ITPR2: variants seen among roughly 807,000 people sequenced by gnomAD.
ITPR2 encodes inositol 1,4,5-trisphosphate-gated calcium channel ITPR2.
In ITPR2, 207 loss-of-function variants were observed where a neutral mutation model predicts 317.1. The ratio of observed to expected loss-of-function variants is 0.65; its 90% CI spans 0.58 to 0.73. The LOEUF is 0.73. ITPR2 is among the 30% of genes least tolerant of loss of function. The pLI, the probability that ITPR2 is intolerant of heterozygous loss-of-function variation, is 0.00. For missense variants in ITPR2, 2,613 were observed against 3,284.0 expected, an observed-to-expected ratio of 0.80 and a Z score of 4.99; for synonymous variants, 1,156 against 1,149.1, an observed-to-expected ratio of 1.01 and a Z score of -0.12.
rs1006490078 is a variant in ITPR2 at position 26,690,345 on chromosome 12, GA to G, written c.997-3714del. On this transcript the variant is annotated intron_variant, in intron 10 of 56. Coordinates refer to ENST00000381340, the MANE Select transcript of ITPR2 (RefSeq NM_002223.4). The stretch of plus-strand genomic sequence containing the variant: ...GTTTCTCTCACCATTGCCTAGTGTA[GA>G]AGCAATAAATGGCAAGCGCCAGTCT... Among the ~76,000 whole-genome samples the G allele has an allele frequency of 5.9e-4, 69 of 117,266 alleles. No homozygotes were observed. In the Admixed American group the frequency reaches 6.5e-3, roughly 11 times the overall value. The allele number at this position is 117,266 out of a possible 152,430, so 76.9% of individuals were successfully genotyped here.
chr12:26,784,648 A>G (rs1369216900), intron 2 of ITPR2, among the ~76,000 whole-genome samples: 2 of 150,846 alleles, frequency 1.3e-5, no homozygotes, highest in Admixed American at 6.6e-5. Flanking sequence ...TCGGTGCTCA[A>G]TGGTGCCCAG....
At chr12:26,809,314 T>C (rs901617584) in intron 1 of ITPR2, among the ~76,000 whole-genome samples, 7 of 152,228 alleles carry the variant, frequency 4.6e-5, no homozygotes, top group Non-Finnish European at 8.8e-5. Context: ...TTCCTACTTA[T>C]AGACTCCCAA....
intron 32 of ITPR2, among the ~76,000 whole-genome samples, chr12:26,581,088 T>C (rs549087906): frequency 4.2e-4 from 64 of 152,300 alleles, no homozygotes; most frequent in African/African-American, 1.5e-3. Flanking sequence ...GGCCAGATGT[T>C]CCAGATGTTC....
At position 26,631,974 on chromosome 12, in the gene ITPR2, G is replaced by T. The variant is rs547097786; in HGVS notation, c.2826C>A (p.Ser942Arg). 2 of 1,613,536 alleles carry T rather than the reference G, an allele frequency of 1.2e-6. No homozygotes were observed. The highest frequency in any genetic ancestry group is 1.7e-6 in the Non-Finnish European group (2 of 1,179,774). ...GGATGCTGGGTGGCACATCCGGCAC[G>T]CTCATGGGGAAGATGGAGCCTCTAC... is the stretch of plus-strand genomic sequence containing the variant. Reference protein sequence around the residue: ...VLSRGSIFPMSVPDVPPSIHP... With the variant: ...VLSRGSIFPMRVPDVPPSIHP... The change falls in exon 22 of 57, where the codon AGC (serine) becomes AGA (arginine). Residue 942 changes from serine (S) to arginine (R), a missense_variant. By Grantham distance (110) the Ser-to-Arg change is moderately radical (BLOSUM62 -1). Transcript: ENST00000381340.
intron 9 of ITPR2, among the ~76,000 whole-genome samples, chr12:26,706,150 G>C (rs1031607753): frequency 6.6e-6 from 1 of 152,162 alleles, no homozygotes; most frequent in African/African-American, 2.4e-5. Context: ...ATTTCGTGTG[G>C]CGTGGCTGTT....
intron 39 of ITPR2, among the ~76,000 whole-genome samples, chr12:26,489,702 C>T (rs971155981): frequency 6.6e-6 from 1 of 152,230 alleles, no homozygotes; most frequent in Admixed American, 6.5e-5. Context: ...CCTATACCTT[C>T]TCCTTCAGTT....
At chr12:26,822,799 C>T (rs1651410374) in intron 1 of ITPR2, among the ~76,000 whole-genome samples, 1 of 152,154 alleles carries the variant, frequency 6.6e-6, no homozygotes, top group Non-Finnish European at 1.5e-5. Context: ...GATGGAATGC[C>T]ATCTTATTCT....
intron 48 of ITPR2, among the ~76,000 whole-genome samples, chr12:26,435,962 T>C (rs1443679752): frequency 6.6e-6 from 1 of 152,184 alleles, no homozygotes; most frequent in African/African-American, 2.4e-5. Context: ...AATAATTAGG[T>C]AGAAATGACA....
chr12:26,706,773 C>T (rs1478060147), intron 9 of ITPR2, among the ~76,000 whole-genome samples: 2 of 152,174 alleles, frequency 1.3e-5, no homozygotes, highest in Non-Finnish European at 2.9e-5. Context: ...CCTCAAACTT[C>T]ATTCCTATTA....
rs78768884 is a variant in ITPR2, at chr12:26,555,276, T to C, written c.4964+957A>G. 9.2e-3 allele frequency among the ~76,000 whole-genome samples: 1,397 copies of C among 152,306 alleles called. 21 individuals carry two copies. Among genetic ancestry groups the C allele is most frequent in the African/African-American group, 0.032 (1,340 of 41,568 alleles). ...TAATCTCTGCCTCGATATATCACAG[T>C]TGATAGAAGAGGTTTCCAGATCTAT... On this transcript the variant is annotated intron_variant, in intron 36 of 56. Coordinates refer to ENST00000381340, the MANE Select transcript of ITPR2 (RefSeq NM_002223.4).
At chr12:26,524,917 T>A (rs966032367) in intron 37 of ITPR2, among the ~76,000 whole-genome samples, 4 of 152,214 alleles carry the variant, frequency 2.6e-5, no homozygotes, top group Non-Finnish European at 5.9e-5. Context: ...TTTGATTTCA[T>A]GTGACTCAAA....
intron 3 of ITPR2, among the ~76,000 whole-genome samples, 193 bp downstream of exon 3, chr12:26,725,457 G>A (rs1948903748): frequency 2.0e-5 from 3 of 152,158 alleles, no homozygotes; most frequent in African/African-American, 7.2e-5. Flanking sequence ...GCAGTAATGT[G>A]CTACCTACAT....
At chr12:26,454,485 C>T (rs569099458) in intron 45 of ITPR2, among the ~76,000 whole-genome samples, 2 of 152,250 alleles carry the variant, frequency 1.3e-5, no homozygotes, top group East Asian at 3.9e-4. Flanking sequence ...GGATTACAGG[C>T]GTAAGCCACC....
At chr12:26,826,375 C>G (rs972307574) in intron 1 of ITPR2, among the ~76,000 whole-genome samples, 3 of 152,072 alleles carry the variant, frequency 2.0e-5, no homozygotes, top group Non-Finnish European at 2.9e-5. Context: ...ATTTGAGGGA[C>G]TATAATTGGG....
chr12:26,609,629 T>TAA (rs11375315), intron 26 of ITPR2, among the ~76,000 whole-genome samples: 59 of 148,744 alleles, frequency 4.0e-4, no homozygotes, highest in Admixed American at 2.1e-3. Context: ...ATGGAAAAGT[T>TAA]AAAAAAAAAA....
At chr12:26,437,926 C>T (rs930895946) in intron 47 of ITPR2, among the ~76,000 whole-genome samples, 4 of 151,996 alleles carry the variant, frequency 2.6e-5, no homozygotes, top group Non-Finnish European at 4.4e-5. Flanking sequence ...CTCAGCCTCC[C>T]GAGTAGCTGG....
intron 15 of ITPR2, among the ~76,000 whole-genome samples, chr12:26,660,265 T>C (rs947837807): frequency 6.6e-6 from 1 of 152,200 alleles, no homozygotes; most frequent in Non-Finnish European, 1.5e-5. Flanking sequence ...AAAGAGATTG[T>C]GCTAAAAGTA....
At chr12:26,551,777 G>T (rs1354339544) in intron 36 of ITPR2, among the ~76,000 whole-genome samples, 1 of 152,226 alleles carries the variant, frequency 6.6e-6, no homozygotes, top group African/African-American at 2.4e-5. Flanking sequence ...GACAGAGGCA[G>T]AAACCTGGCC....
At chr12:26,674,822 T>G (rs935052559) in intron 13 of ITPR2, among the ~76,000 whole-genome samples, 4 of 151,878 alleles carry the variant, frequency 2.6e-5, no homozygotes, top group Non-Finnish European at 5.9e-5. Context: ...ATATCCAGAA[T>G]CTACAATGAA....
Sources: allele counts gnomAD v4.1 joint callset (sites outside exome capture counted in the v4.1 genomes callset), GRCh38; gene constraint gnomAD v4.1.1; transcripts MANE v1.5; gene names NCBI Gene and HGNC (gene_info 2026-07-23, HGNC 2026-07-21).